The following BTBD1 variants were observed in gnomAD, a reference collection of about 807,000 sequenced individuals.
The protein encoded by BTBD1 is BTB domain containing 1.
Under a neutral mutation model 48.0 loss-of-function variants are expected in BTBD1, and 34 were observed. The observed-to-expected ratio is 0.71, with a 90% CI of 0.54 to 0.94. The LOEUF is 0.94. Ranked by LOEUF, BTBD1 falls within the 40% of genes least tolerant of loss-of-function variation. The probability of loss-of-function intolerance (pLI) is 0.00; values close to 1 mark genes in which losing one functional copy is unlikely to be tolerated. For synonymous variants in BTBD1, 261 were observed against 242.1 expected, an observed-to-expected ratio of 1.08 and a Z score of -0.72; for missense variants, 543 against 625.6, an observed-to-expected ratio of 0.87 and a Z score of 1.41.
chr15:83,043,141 C>CA (rs1352623298), intron 3 of BTBD1, among the ~76,000 whole-genome samples: 8 of 151,960 alleles, frequency 5.3e-5, no homozygotes, highest in Non-Finnish European at 1.5e-5. Flanking sequence ...GAGACTGTGC[C>CA]AAAAAATAAT....
intron 4 of BTBD1, among the ~76,000 whole-genome samples, chr15:83,040,332 C>T (rs2032726003): frequency 6.6e-6 from 1 of 152,196 alleles, no homozygotes; most frequent in South Asian, 2.1e-4. Context: ...CCTCAAACTT[C>T]AGCATCACAC....
intron 3 of BTBD1, among the ~76,000 whole-genome samples, chr15:83,049,704 CTCTCT>C (rs1306978419): frequency 6.6e-6 from 1 of 152,034 alleles, no homozygotes; most frequent in East Asian, 1.9e-4. Context: ...TATTAATGCC[CTCTCT>C]TCTATTAGCG....
chr15:83,034,550 G>A (rs756517216), intron 4 of BTBD1, among the ~76,000 whole-genome samples: 5 of 152,202 alleles, frequency 3.3e-5, no homozygotes, highest in African/African-American at 9.6e-5. Context: ...GAAGGTGGAC[G>A]TTGCAGTGAG....
At chr15:83,044,479 T>A in intron 3 of BTBD1, 1 of 1,577,232 alleles carries the variant, frequency 6.3e-7, no homozygotes. Context: ...ATGGACGCAA[T>A]GGCCAAGCCA....
intron 3 of BTBD1, among the ~76,000 whole-genome samples, chr15:83,048,628 C>T (rs908693181): frequency 6.6e-6 from 1 of 152,142 alleles, no homozygotes; most frequent in Non-Finnish European, 1.5e-5. Flanking sequence ...TATCCAAACA[C>T]AGTAAGTCCT....
Position 83,046,782 on chromosome 15 carries a change from T to C in BTBD1, c.664+3291A>G, listed in dbSNP as rs956228099. Among the ~76,000 whole-genome samples, 6 of 152,292 alleles carry C rather than the reference T, an allele frequency of 3.9e-5. No individual in the cohort carries two copies. The South Asian group carries it at 1.2e-3, about 32-fold the overall frequency. Reference sequence around the variant, plus strand: ...TGCAGGTGCTGGGGAGGAATCTGATTTACTCCCCGTCCTTCAGTATATTAT... The same window carrying C: ...TGCAGGTGCTGGGGAGGAATCTGATCTACTCCCCGTCCTTCAGTATATTAT... On this transcript the variant is annotated intron_variant, in intron 3 of 7. Coordinates refer to ENST00000261721, the MANE Select transcript of BTBD1 (RefSeq NM_025238.4).
chr15:83,048,236 G>A (rs576814441), intron 3 of BTBD1, among the ~76,000 whole-genome samples: 2 of 152,134 alleles, frequency 1.3e-5, no homozygotes, highest in Non-Finnish European at 2.9e-5. Context: ...GTGTTGTTAA[G>A]GAAGACTGAA....
chr15:83,050,490 T>C (rs28429062), intron 2 of BTBD1, among the ~76,000 whole-genome samples: 12,112 of 151,778 alleles, frequency 0.08, 538 homozygotes, highest in African/African-American at 0.11. Flanking sequence ...TATACATTAC[T>C]TATTCTGATC....
Position 83,056,459 on chromosome 15 carries a change from A to C in BTBD1, c.488T>G (p.Leu163Trp), listed in dbSNP as rs1168377093. 6.2e-7 allele frequency: 1 copy of C among 1,613,360 alleles called. No homozygotes were observed. ...YTAKKYAVPA[L>W]EAHCVEFLTK... is the part of the protein sequence containing the mutation. Reference sequence around the variant, plus strand: ...GAGAAATTCTACACAGTGTGCTTCCAAGGCTGGGACTGCGTATTTCTTGGC... The same window carrying C: ...GAGAAATTCTACACAGTGTGCTTCCCAGGCTGGGACTGCGTATTTCTTGGC... The change falls in exon 2 of 8, where the codon TTG (leucine) becomes TGG (tryptophan). Residue 163 changes from leucine (L) to tryptophan (W), a missense_variant. Physicochemically the swap from Leu to Trp is moderately conservative, Grantham distance 61. This residue lies in a region of BTBD1 where 70 missense variants were observed against 111.7 expected (regional missense o/e 0.63). Transcript: ENST00000261721.
At chr15:83,054,485 ACAT>A (rs1465199407) in intron 2 of BTBD1, among the ~76,000 whole-genome samples, 1 of 152,216 alleles carries the variant, frequency 6.6e-6, no homozygotes, top group Admixed American at 6.5e-5. Context: ...AGAAGAGGTG[ACAT>A]CAGAATGTTC....
At chr15:83,060,041 G>A (rs1214499148) in intron 1 of BTBD1, among the ~76,000 whole-genome samples, 2 of 152,018 alleles carry the variant, frequency 1.3e-5, no homozygotes, top group Admixed American at 6.6e-5. Context: ...GGATCTCTGT[G>A]TATCTTATAT....
At chr15:83,051,748 A>G (rs561783109) in intron 2 of BTBD1, among the ~76,000 whole-genome samples, 1 of 152,020 alleles carries the variant, frequency 6.6e-6, no homozygotes, top group South Asian at 2.1e-4. Flanking sequence ...ACACACAAAT[A>G]CTTTGGAATT....
intron 4 of BTBD1, among the ~76,000 whole-genome samples, chr15:83,034,372 G>C (rs1419963351): frequency 6.6e-6 from 1 of 152,138 alleles, no homozygotes; most frequent in Admixed American, 6.5e-5. Flanking sequence ...CCAGAATGTT[G>C]GGTGACTGAG....
intron 4 of BTBD1, among the ~76,000 whole-genome samples, chr15:83,032,342 A>G (rs1227981128): frequency 6.6e-6 from 1 of 152,046 alleles, no homozygotes; most frequent in Non-Finnish European, 1.5e-5. Context: ...AAGAACTAAA[A>G]TTAGAACTAC....
At chr15:83,051,869 C>CAT (rs758487493) in intron 2 of BTBD1, among the ~76,000 whole-genome samples, 33 of 129,116 alleles carry the variant, frequency 2.6e-4, no homozygotes, top group South Asian at 1.9e-3. Flanking sequence ...ATTTTTTTTC[C>CAT]ATATATATAC....
At chr15:83,044,105 C>T (rs1391228385) in intron 3 of BTBD1, among the ~76,000 whole-genome samples, 1 of 152,016 alleles carries the variant, frequency 6.6e-6, no homozygotes, top group Non-Finnish European at 1.5e-5. Context: ...GAATAGCTAT[C>T]AAGGGTCTTA....
intron 5 of BTBD1, among the ~76,000 whole-genome samples, chr15:83,026,804 G>A (rs988713660): frequency 1.3e-5 from 2 of 152,124 alleles, no homozygotes; most frequent in African/African-American, 4.8e-5. Flanking sequence ...TTACAGGCAT[G>A]AGCCACTGTG....
At chr15:83,047,355 A>AG (rs1201573899) in intron 3 of BTBD1, among the ~76,000 whole-genome samples, 3 of 152,188 alleles carry the variant, frequency 2.0e-5, no homozygotes, top group African/African-American at 4.8e-5. Flanking sequence ...CCTAATCAGA[A>AG]GGAATAGCAA....
intron 4 of BTBD1, among the ~76,000 whole-genome samples, chr15:83,036,160 GAAAAA>G (rs35994386): frequency 2.4e-5 from 3 of 126,816 alleles, no homozygotes; most frequent in Non-Finnish European, 4.9e-5. Flanking sequence ...AGCAAGAAAG[GAAAAA>G]AAAAAAAAAG....
Sources: allele counts gnomAD v4.1 joint callset (sites outside exome capture counted in the v4.1 genomes callset), GRCh38; gene constraint gnomAD v4.1.1; regional missense constraint gnomAD v4.1.1; transcripts MANE v1.5; gene names NCBI Gene and HGNC (gene_info 2026-07-23, HGNC 2026-07-21).